Variants in ITK observed in about 807,000 individuals in gnomAD.
ITK encodes the protein tyrosine-protein kinase ITK/TSK.
In ITK, 45 loss-of-function variants were observed where a neutral mutation model predicts 87.6. That is an observed-to-expected ratio of 0.51 (90% CI 0.40 to 0.66). The LOEUF (loss-of-function observed/expected upper bound fraction) is 0.66. Among genes scored for constraint, ITK ranks in the 30% least tolerant of loss-of-function variants. ITK has a pLI of 0.00. For synonymous variants in ITK, 303 were observed against 273.6 expected (o/e 1.11, Z -1.06); for missense variants, 605 against 766.3 (o/e 0.79, Z 2.48).
At chr5:157,211,041 G>A (rs1754180967) in intron 2 of ITK, among the ~76,000 whole-genome samples, 1 of 152,058 alleles carries the variant, frequency 6.6e-6, no homozygotes, top group Admixed American at 6.6e-5. Flanking sequence ...ACTTTCTCCT[G>A]CTGTCTTAGT....
intron 5 of ITK, among the ~76,000 whole-genome samples, chr5:157,220,802 A>G (rs2113759815): frequency 6.6e-6 from 1 of 152,348 alleles, no homozygotes; most frequent in Non-Finnish European, 1.5e-5. Context: ...CTGAAAAGAA[A>G]TTTATAACTA....
At chr5:157,188,854 G>C (rs79458023) in intron 1 of ITK, among the ~76,000 whole-genome samples, 4,935 of 152,222 alleles carry the variant, frequency 0.032, 260 homozygotes, top group African/African-American at 0.11. Context: ...TAGGTTTATG[G>C]ATCTGCTTCC....
intron 9 of ITK, among the ~76,000 whole-genome samples, chr5:157,239,703 G>A (rs1354926443): frequency 1.3e-5 from 2 of 152,190 alleles, no homozygotes; most frequent in Non-Finnish European, 2.9e-5. Flanking sequence ...TCAAATAAGG[G>A]TGAAGGGGTC....
At chr5:157,224,674 G>A (rs998921575) in intron 6 of ITK, among the ~76,000 whole-genome samples, 16 of 152,182 alleles carry the variant, frequency 1.1e-4, no homozygotes, top group Middle Eastern at 3.4e-3. Context: ...CCAGCTACTC[G>A]GGAGGCTGGG....
At chr5:157,198,131 A>G (rs934471671) in intron 1 of ITK, among the ~76,000 whole-genome samples, 2 of 151,158 alleles carry the variant, frequency 1.3e-5, no homozygotes, top group South Asian at 2.1e-4. Flanking sequence ...AAGAAAAAAA[A>G]AAAAAGGAAA....
chr5:157,212,179 G>A (rs1470923352), intron 3 of ITK, among the ~76,000 whole-genome samples: 1 of 152,194 alleles, frequency 6.6e-6, no homozygotes, highest in African/African-American at 2.4e-5. Context: ...GCTGTTGTGA[G>A]AATTGAATGA....
chr5:157,237,886 A>G (rs1355587724), intron 8 of ITK, among the ~76,000 whole-genome samples: 1 of 152,258 alleles, frequency 6.6e-6, no homozygotes, highest in South Asian at 2.1e-4. Flanking sequence ...GTCTCCATTC[A>G]TGGTTCATGT....
At chr5:157,224,274 A>G (rs533978494) in intron 6 of ITK, 1 of 147,932 alleles carries the variant, frequency 6.8e-6, no homozygotes, top group Admixed American at 6.8e-5. Flanking sequence ...ACAGAGCAAG[A>G]CTCTGTCTCA....
intron 1 of ITK, among the ~76,000 whole-genome samples, chr5:157,198,806 C>G (rs1753901989): frequency 6.6e-6 from 1 of 152,204 alleles, no homozygotes; most frequent in Admixed American, 6.5e-5. Flanking sequence ...CTCACTCTAT[C>G]ACCCAGAGTG....
At chr5:157,235,809 G>T (rs989974342) in intron 8 of ITK, among the ~76,000 whole-genome samples, 2 of 152,078 alleles carry the variant, frequency 1.3e-5, no homozygotes, top group Non-Finnish European at 2.9e-5. Context: ...CTTCTGAAAG[G>T]TCACCTTCAA....
At chr5:157,201,594 G>A (rs1753975949) in intron 1 of ITK, among the ~76,000 whole-genome samples, 1 of 151,886 alleles carries the variant, frequency 6.6e-6, no homozygotes, top group Admixed American at 6.6e-5. Flanking sequence ...ACTGTGCCTG[G>A]CCAATTTCCA....
intron 6 of ITK, among the ~76,000 whole-genome samples, chr5:157,225,044 G>A (rs1019624081): frequency 6.6e-5 from 10 of 151,580 alleles, no homozygotes; most frequent in African/African-American, 2.4e-4. Flanking sequence ...ACCCAGGTTG[G>A]AGCACAGTGG....
intron 5 of ITK, among the ~76,000 whole-genome samples, chr5:157,218,846 A>G (rs1754354597): frequency 3.3e-5 from 5 of 152,170 alleles, no homozygotes; most frequent in Admixed American, 3.3e-4. Flanking sequence ...GGAGCATGTT[A>G]GAAATACAAA....
chr5:157,188,836 T>G (rs757200825), intron 1 of ITK, among the ~76,000 whole-genome samples: 2 of 152,194 alleles, frequency 1.3e-5, no homozygotes, highest in Non-Finnish European at 2.9e-5. Context: ...GTATCTGCAT[T>G]TATTTGTTAG....
chr5:157,225,170 T>G (rs1035933406), intron 6 of ITK, among the ~76,000 whole-genome samples: 1 of 152,056 alleles, frequency 6.6e-6, no homozygotes, highest in Non-Finnish European at 1.5e-5. Flanking sequence ...AATTTTTGAA[T>G]TTTTTGTAGA....
Position 157,252,632 on chromosome 5 carries a change from C to G in ITK, c.1817C>G (p.Ser606Cys). The G allele has an allele frequency of 6.2e-7, 1 of 1,614,134 alleles. No homozygotes were observed. Among genetic ancestry groups the G allele is most frequent in the Non-Finnish European group, 8.5e-7 (1 of 1,179,940 alleles). Residue 606 changes from serine (S) to cysteine (C), a missense_variant, in exon 17 of 17, where the codon TCC (serine) becomes TGC (cysteine). Ser to Cys is a moderately radical substitution (Grantham distance 112, BLOSUM62 -1). Coordinates refer to ENST00000422843, the MANE Select transcript of ITK (RefSeq NM_005546.4). Reference sequence around the variant, plus strand: ...AGACCAGAAGATCGGCCAGCCTTCTCCAGACTGCTGCGTCAACTGGCTGAA... The same window carrying G: ...AGACCAGAAGATCGGCCAGCCTTCTGCAGACTGCTGCGTCAACTGGCTGAA... ...KERPEDRPAF[S>C]RLLRQLAEIA...
chr5:157,185,052 A>G (rs920023281), intron 1 of ITK, among the ~76,000 whole-genome samples: 4 of 152,102 alleles, frequency 2.6e-5, no homozygotes, highest in East Asian at 3.9e-4. Flanking sequence ...GCTTGCAGCA[A>G]GCATCCTTTC....
chr5:157,200,433 C>A (rs1753942444), intron 1 of ITK, among the ~76,000 whole-genome samples: 1 of 152,162 alleles, frequency 6.6e-6, no homozygotes, highest in South Asian at 2.1e-4. Context: ...TTTACCCTGG[C>A]ATTTTTCAGA....
rs767365690 is a variant in ITK, at chr5:157,238,241, G to A, written c.851+50G>A. 3 of 1,362,458 alleles carry A rather than the reference G, an allele frequency of 2.2e-6. No individual in the cohort carries two copies. The Admixed American group carries it at 5.0e-5, about 23-fold the overall frequency. 84.4% of individuals were successfully genotyped at this position (1,362,458 alleles called of 1,614,324 possible). A position where few individuals can be genotyped will look rare whatever the true frequency, so the allele number is the denominator to read the frequency against. On this transcript the variant is annotated intron_variant, in intron 9 of 16. Coordinates refer to ENST00000422843, the MANE Select transcript of ITK (RefSeq NM_005546.4). ...AAGTGGAGAGAAACACTTCTGAAGT[G>A]TGTGAGCACTGGGGAAAAGACAACA... is the stretch of plus-strand genomic sequence containing the variant.
Sources: gnomAD v4.1 joint callset for allele counts (sites outside exome capture counted in the v4.1 genomes callset) on GRCh38, gnomAD v4.1.1 for gene constraint, MANE v1.5 for transcripts, NCBI Gene and HGNC (gene_info 2026-07-23, HGNC 2026-07-21) for gene names.